Variants in POTEF observed in about 807,000 individuals in gnomAD.
POTEF encodes the protein ANKRD26-like family C member 1B.
POTEF carries 20 observed loss-of-function variants against 83.2 expected under a neutral mutation model. That is an observed-to-expected ratio of 0.24 (90% CI 0.17 to 0.35). The LOEUF (loss-of-function observed/expected upper bound fraction) is 0.35. Among genes scored for constraint, POTEF ranks in the 10% least tolerant of loss-of-function variants. The pLI, the probability that POTEF is intolerant of heterozygous loss-of-function variation, is 1.00. For missense variants in POTEF, 550 were observed against 1,203.2 expected, an observed-to-expected ratio of 0.46 and a Z score of 8.03; for synonymous variants, 196 against 446.4, an observed-to-expected ratio of 0.44 and a Z score of 7.07.
intron 3 of POTEF, among the ~76,000 whole-genome samples, chr2:130,115,917 A>G (rs1303706646): frequency 6.6e-6 from 1 of 152,070 alleles, no homozygotes; most frequent in Non-Finnish European, 1.5e-5. Flanking sequence ...AATACCACTT[A>G]CAATTCATGA....
In POTEF at chr2:130,127,846, C is replaced by T. The variant is rs911218311; in HGVS notation, c.-231G>A. The T allele has an allele frequency of 4.0e-5, 6 of 149,816 alleles. No individual in the cohort carries two copies. The highest frequency in any genetic ancestry group is 7.4e-5 in the Non-Finnish European group (5 of 67,708). 9.3% of individuals were successfully genotyped at this position (149,816 alleles called of 1,614,324 possible). A position where few individuals can be genotyped will look rare whatever the true frequency, so the allele number is the denominator to read the frequency against. On this transcript the variant is annotated 5_prime_UTR_variant, in exon 2 of 17. Coordinates refer to ENST00000409914, the MANE Select transcript of POTEF (RefSeq NM_001099771.2). ...TCCAGCCTGGCTTGGAGCAGCTAGACGGGCAAAGCCAGAAAAGCCTAGAAT... is the reference window on the plus strand; with the variant it reads ...TCCAGCCTGGCTTGGAGCAGCTAGATGGGCAAAGCCAGAAAAGCCTAGAAT...
At chr2:130,127,423 G>T (rs1428165777) in intron 2 of POTEF, among the ~76,000 whole-genome samples, 3 of 146,182 alleles carry the variant, frequency 2.1e-5, no homozygotes, top group Non-Finnish European at 4.4e-5. Context: ...CTCATGCCTG[G>T]CTCAGAAGGA....
chr2:130,105,794 G>A (rs1027355793), intron 8 of POTEF, among the ~76,000 whole-genome samples: 1 of 147,818 alleles, frequency 6.8e-6, no homozygotes, highest in Non-Finnish European at 1.5e-5. Flanking sequence ...AGCCCCTGCA[G>A]CACACATTGT....
chr2:130,121,147 CTTATCTCAGGTG>C (rs1270750955), intron 2 of POTEF, among the ~76,000 whole-genome samples: 5 of 151,604 alleles, frequency 3.3e-5, no homozygotes, highest in African/African-American at 1.2e-4. Flanking sequence ...GTGCGGCGTG[CTTATCTCAGGTG>C]GCGTCAGGGC....
chr2:130,128,352 C>A (rs1306799232), intron 1 of POTEF, among the ~76,000 whole-genome samples: 2 of 151,960 alleles, frequency 1.3e-5, no homozygotes, highest in Admixed American at 6.5e-5. Flanking sequence ...ACTCTGGAGT[C>A]TGGAAAAGAG....
At chr2:130,121,144 G>A (rs1335118542) in intron 2 of POTEF, among the ~76,000 whole-genome samples, 1 of 151,604 alleles carries the variant, frequency 6.6e-6, no homozygotes. Context: ...CGCGTGCGGC[G>A]TGCTTATCTC....
At chr2:130,114,707 G>A (rs1684797353) in intron 5 of POTEF, among the ~76,000 whole-genome samples, 174 bp downstream of exon 5, 1 of 151,480 alleles carries the variant, frequency 6.6e-6, no homozygotes, top group African/African-American at 2.4e-5. Context: ...ACCCTCTAAT[G>A]CTTCTTTGAA....
intron 3 of POTEF, among the ~76,000 whole-genome samples, chr2:130,115,622 C>CA (rs1491266793): frequency 6.6e-6 from 1 of 152,138 alleles, no homozygotes; most frequent in African/African-American, 2.4e-5. Context: ...TTTGGGGTCT[C>CA]AGTTTCCTCA....
At chr2:130,115,124 A>G in intron 4 of POTEF, 70 bp from the exon 5 acceptor site, 1 of 1,609,216 alleles carries the variant, frequency 6.2e-7, no homozygotes, top group Non-Finnish European at 8.5e-7. Context: ...AGCTTTCACC[A>G]ACTAGTTATA....
intron 2 of POTEF, among the ~76,000 whole-genome samples, chr2:130,122,019 G>A (rs1685012210): frequency 6.6e-6 from 1 of 151,742 alleles, no homozygotes; most frequent in South Asian, 2.1e-4. Flanking sequence ...CTAAGAATTT[G>A]CCTATTCTGG....
rs1383192852 is a variant in POTEF, at chr2:130,120,450, G to C, written c.66C>G (p.Ser22Arg). The change falls in exon 3 of 17, where the codon AGC becomes AGG. Residue 22 changes from serine to arginine, a missense_variant. Physicochemically the swap from Ser to Arg is moderately radical, Grantham distance 110. Transcript: ENST00000409914. Reference sequence around the variant, plus strand: ...AACGGCAGCACCACTTGCCCATCTTGCTCCTGAGACCAAATGGCTTCTTCA... The same window carrying C: ...AACGGCAGCACCACTTGCCCATCTTCCTCCTGAGACCAAATGGCTTCTTCA... ...SSVKKPFGLR[S>R]KMGKWCCRCF... 1 of 1,613,612 alleles carries C rather than the reference G, an allele frequency of 6.2e-7. No individual in the cohort carries two copies. Among genetic ancestry groups the C allele is most frequent in the East Asian group, 2.2e-5 (1 of 44,794 alleles).
chr2:130,113,929 C>T (rs1684776181), intron 5 of POTEF, among the ~76,000 whole-genome samples: 2 of 151,788 alleles, frequency 1.3e-5, no homozygotes, highest in South Asian at 4.2e-4. Flanking sequence ...ACATGATTTT[C>T]CCCGGTAAGA....
chr2:130,122,281 G>A (rs148317437), intron 2 of POTEF, among the ~76,000 whole-genome samples: 1 of 150,672 alleles, frequency 6.6e-6, no homozygotes, highest in Admixed American at 6.6e-5. Flanking sequence ...TTATGTGTAA[G>A]GCATTTGTTT....
chr2:130,119,399 C>T (rs191375583), intron 3 of POTEF, among the ~76,000 whole-genome samples: 7,625 of 151,938 alleles, frequency 0.05, 696 homozygotes, highest in African/African-American at 0.17. Flanking sequence ...ATCTCCTGAC[C>T]TCATGATCCG....
intron 12 of POTEF, among the ~76,000 whole-genome samples, chr2:130,091,460 CT>C (rs1389719364): frequency 9.2e-5 from 14 of 152,020 alleles, no homozygotes; most frequent in African/African-American, 3.4e-4. Context: ...TCTAAGTTTT[CT>C]CCCTGTTTAA....
chr2:130,114,387 C>T (rs1361038184), intron 5 of POTEF, among the ~76,000 whole-genome samples: 1 of 147,370 alleles, frequency 6.8e-6, no homozygotes, highest in East Asian at 2.0e-4. Context: ...CTCTTTTTTG[C>T]TTTCCACTTC....
intron 8 of POTEF, among the ~76,000 whole-genome samples, chr2:130,106,222 A>C (rs2104807884): frequency 6.6e-6 from 1 of 150,778 alleles, no homozygotes; most frequent in East Asian, 1.9e-4. Flanking sequence ...TCTGGTTCCT[A>C]CTGTTTTAGC....
intron 8 of POTEF, among the ~76,000 whole-genome samples, chr2:130,106,262 G>T (rs1684525353): frequency 6.6e-6 from 1 of 150,442 alleles, no homozygotes; most frequent in South Asian, 2.1e-4. Context: ...GCAGTCCAAA[G>T]CATTCTACCC....
intron 2 of POTEF, among the ~76,000 whole-genome samples, chr2:130,124,355 G>T (rs1207938160): frequency 2.8e-5 from 3 of 108,522 alleles, no homozygotes; most frequent in African/African-American, 4.1e-5. Flanking sequence ...GACAAGAAAA[G>T]ATCTAGCAGT....
Sources: gnomAD v4.1 joint callset for allele counts (sites outside exome capture counted in the v4.1 genomes callset) on GRCh38, gnomAD v4.1.1 for gene constraint, MANE v1.5 for transcripts, NCBI Gene and HGNC (gene_info 2026-07-23, HGNC 2026-07-21) for gene names.